Variants in RNGTT observed in about 807,000 individuals in gnomAD.
RNGTT encodes RNA guanylyltransferase and 5'-phosphatase, also known as mRNA-capping enzyme.
Under a neutral mutation model 79.3 loss-of-function variants are expected in RNGTT, and 33 were observed. The ratio of observed to expected loss-of-function variants is 0.42; its 90% confidence interval spans 0.32 to 0.56. RNGTT has a LOEUF of 0.56. Among genes scored for constraint, RNGTT ranks in the 20% least tolerant of loss-of-function variants. The pLI is 0.17. For missense variants in RNGTT, 497 were observed against 739.1 expected (o/e 0.67, Z 3.80); for synonymous variants, 222 against 235.9 (o/e 0.94, Z 0.54).
chr6:88,698,973 G>A (rs1327882295), intron 13 of RNGTT, among the ~76,000 whole-genome samples: 2 of 152,110 alleles, frequency 1.3e-5, no homozygotes, highest in African/African-American at 4.8e-5. Context: ...ACTCTAAAAT[G>A]TCTTAAAATG....
At chr6:88,903,634 C>CA (rs1196302112) in intron 6 of RNGTT, among the ~76,000 whole-genome samples, 3 of 151,460 alleles carry the variant, frequency 2.0e-5, no homozygotes, top group Non-Finnish European at 2.9e-5. Context: ...GTTTTACAAA[C>CA]AAAAAAAAAT....
chr6:88,776,406 G>T (rs188229679), intron 12 of RNGTT, among the ~76,000 whole-genome samples: 2 of 148,870 alleles, frequency 1.3e-5, no homozygotes, highest in African/African-American at 5.0e-5. Context: ...CGCAACCTCC[G>T]CCTCCCAGGT....
At chr6:88,833,134 T>C (rs984112066) in intron 11 of RNGTT, among the ~76,000 whole-genome samples, 11 of 152,312 alleles carry the variant, frequency 7.2e-5, no homozygotes, top group East Asian at 1.9e-4. Context: ...TGTATGTTTA[T>C]TGCAGCACTA....
intron 13 of RNGTT, among the ~76,000 whole-genome samples, chr6:88,749,037 G>A (rs939511809): frequency 6.6e-6 from 1 of 152,072 alleles, no homozygotes; most frequent in Non-Finnish European, 1.5e-5. Flanking sequence ...AACAAGGAAA[G>A]TCAGAAGATA....
chr6:88,854,396 T>C (rs1040311403), intron 8 of RNGTT, among the ~76,000 whole-genome samples: 30 of 152,172 alleles, frequency 2.0e-4, no homozygotes, highest in African/African-American at 7.0e-4. Context: ...CATTGAAGCC[T>C]TTCAAAGTTT....
intron 4 of RNGTT, among the ~76,000 whole-genome samples, chr6:88,914,789 TAA>T (rs1285487498): frequency 6.6e-6 from 1 of 152,100 alleles, no homozygotes; most frequent in Non-Finnish European, 1.5e-5. Flanking sequence ...ATAATTAAGC[TAA>T]AGAGCTTCTG....
chr6:88,946,001 G>T (rs1449641181), intron 1 of RNGTT, among the ~76,000 whole-genome samples: 1 of 152,172 alleles, frequency 6.6e-6, no homozygotes, highest in African/African-American at 2.4e-5. Flanking sequence ...AGTTTGATTG[G>T]AACTCCTGAG....
At chr6:88,821,252 AAAAT>A (rs1362986245) in intron 11 of RNGTT, among the ~76,000 whole-genome samples, 1 of 152,156 alleles carries the variant, frequency 6.6e-6, no homozygotes, top group Non-Finnish European at 1.5e-5. Flanking sequence ...CACATGCAAA[AAAAT>A]AAATAAATTC....
At chr6:88,909,793 C>T (rs1342086597) in intron 4 of RNGTT, among the ~76,000 whole-genome samples, 1 of 152,102 alleles carries the variant, frequency 6.6e-6, no homozygotes, top group African/African-American at 2.4e-5. Flanking sequence ...TTGAATTACA[C>T]AGCAAAACAA....
At chr6:88,747,554 T>C (rs1346649466) in intron 13 of RNGTT, among the ~76,000 whole-genome samples, 1 of 152,148 alleles carries the variant, frequency 6.6e-6, no homozygotes, top group Non-Finnish European at 1.5e-5. Context: ...CCAGAGACCA[T>C]TAATGGGAGC....
At chr6:88,848,655 A>T (rs1781567393) in intron 10 of RNGTT, among the ~76,000 whole-genome samples, 1 of 141,046 alleles carries the variant, frequency 7.1e-6, no homozygotes, top group African/African-American at 3.2e-5. Context: ...AAAGAATATC[A>T]TATATATTTC....
chr6:88,832,621 A>G (rs1321560987), intron 11 of RNGTT, among the ~76,000 whole-genome samples: 2 of 152,254 alleles, frequency 1.3e-5, no homozygotes, highest in Non-Finnish European at 2.9e-5. Flanking sequence ...GCACAGCAAA[A>G]GAAATTATCA....
intron 14 of RNGTT, among the ~76,000 whole-genome samples, chr6:88,621,160 T>C (rs1469018806): frequency 6.6e-6 from 1 of 152,186 alleles, no homozygotes; most frequent in South Asian, 2.1e-4. Context: ...TCCTTTCTGA[T>C]CCTATCTCTA....
Position 88,718,990 on chromosome 6 carries a change from A to G in RNGTT, c.1440-40571T>C, listed in dbSNP as rs77013976. On this transcript the variant is annotated intron_variant, in intron 13 of 15. Transcript: ENST00000369485. ...GTTAAAAGCAATGATACATATTTAGAGTTACAAAAAATAAACATCTAAGTA... is the reference window on the plus strand; with the variant it reads ...GTTAAAAGCAATGATACATATTTAGGGTTACAAAAAATAAACATCTAAGTA... Among the ~76,000 whole-genome samples the G allele has an allele frequency of 5.2e-3, 789 of 152,310 alleles. 5 individuals carry two copies. Among genetic ancestry groups the G allele is most frequent in the Middle Eastern group, 0.01 (3 of 294 alleles).
chr6:88,833,112 G>C (rs187506968), intron 11 of RNGTT, among the ~76,000 whole-genome samples: 16 of 152,230 alleles, frequency 1.1e-4, no homozygotes, highest in Non-Finnish European at 1.6e-4. Context: ...TCTACTAAAA[G>C]ACACATGCAC....
At chr6:88,951,493 G>C (rs1054940590) in intron 1 of RNGTT, among the ~76,000 whole-genome samples, 1 of 151,988 alleles carries the variant, frequency 6.6e-6, no homozygotes, top group African/African-American at 2.4e-5. Flanking sequence ...AAACTTCATT[G>C]CTCTCTGATT....
intron 8 of RNGTT, 77 bp from the exon 9 acceptor site, chr6:88,853,841 T>C (rs957314268): frequency 2.3e-6 from 2 of 860,860 alleles, no homozygotes; most frequent in Non-Finnish European, 3.6e-6. Context: ...ACATACTGGT[T>C]TTCCATAGAC....
intron 8 of RNGTT, among the ~76,000 whole-genome samples, chr6:88,888,367 C>G (rs190943695): frequency 1.2e-4 from 18 of 152,254 alleles, no homozygotes; most frequent in Non-Finnish European, 1.9e-4. Context: ...AACATCCTTA[C>G]TACCAATTTA....
chr6:88,808,078 A>G (rs1477697738), intron 11 of RNGTT, among the ~76,000 whole-genome samples: 1 of 152,194 alleles, frequency 6.6e-6, no homozygotes, highest in African/African-American at 2.4e-5. Context: ...AGGTAGAAGG[A>G]ATATGATACA....
Sources: allele counts gnomAD v4.1 joint callset (sites outside exome capture counted in the v4.1 genomes callset), GRCh38; gene constraint gnomAD v4.1.1; transcripts MANE v1.5; gene names NCBI Gene and HGNC (gene_info 2026-07-23, HGNC 2026-07-21).